Variants in TPP2 observed in about 807,000 individuals in gnomAD.
TPP2 encodes the protein tripeptidyl-peptidase 2.
TPP2 carries 34 observed loss-of-function variants against 155.9 expected under a neutral mutation model. That is an observed-to-expected ratio of 0.22 (90% CI 0.17 to 0.29). TPP2 has a LOEUF of 0.29. Among genes scored for constraint, TPP2 ranks in the 10% least tolerant of loss-of-function variants. The pLI, the probability that TPP2 is intolerant of heterozygous loss-of-function variation, is 1.00. For synonymous variants in TPP2, 510 were observed against 529.4 expected, an observed-to-expected ratio of 0.96 and a Z score of 0.50; for missense variants, 1,028 against 1,522.3, an observed-to-expected ratio of 0.68 and a Z score of 5.40.
intron 23 of TPP2, among the ~76,000 whole-genome samples, chr13:102,650,490 C>T (rs547896306): frequency 2.6e-5 from 4 of 152,132 alleles, no homozygotes; most frequent in African/African-American, 9.7e-5. Flanking sequence ...TTTATACATA[C>T]GTACTTTAGT....
chr13:102,618,726 A>G lies in TPP2; in HGVS notation c.500A>G (p.Asn167Ser). The G allele has an allele frequency of 6.2e-7, 1 of 1,613,486 alleles. No homozygotes were observed. Among genetic ancestry groups the G allele is most frequent in the Non-Finnish European group, 8.5e-7 (1 of 1,179,694 alleles). ...ATCAGTTTTCCAACTGACTAGGCAA[A>G]TAAACTAATCAAGGAGGAACTTCAA... ...DVANNGSSQA[N>S]KLIKEELQSQ... Residue 167 changes from asparagine (N) to serine (S), a missense_variant, in exon 5 of 30, where the codon AAT becomes AGT. Asn to Ser is a conservative substitution (Grantham distance 46). Transcript: ENST00000376052.
At chr13:102,609,872 T>G (rs986935505) in intron 2 of TPP2, among the ~76,000 whole-genome samples, 2 of 152,118 alleles carry the variant, frequency 1.3e-5, no homozygotes, top group Admixed American at 6.5e-5. Context: ...TCACCTGTTC[T>G]TTGCTTTGTT....
rs190801993 is a variant in TPP2 at position 102,658,302 on chromosome 13, C to T, written c.3143+1095C>T. ...AAGTCATCATGATGTGAAAATATTT[C>T]CCAGAGATTGAACCATTGTAATGTC... On this transcript the variant is annotated intron_variant, in intron 25 of 29. Transcript: ENST00000376052. 3.8e-3 allele frequency among the ~76,000 whole-genome samples: 579 copies of T among 152,262 alleles called. 11 individuals are homozygous for T. Among genetic ancestry groups the T allele is most frequent in the Non-Finnish European group, 1.2e-3 (85 of 68,018 alleles).
At chr13:102,635,463 A>C in intron 11 of TPP2, 124 bp from the exon 12 acceptor site, 1 of 618,316 alleles carries the variant, frequency 1.6e-6, no homozygotes, top group Non-Finnish European at 2.8e-6. Context: ...AAAAGATTTT[A>C]AAATGAGTGT....
intron 27 of TPP2, among the ~76,000 whole-genome samples, chr13:102,668,053 G>A (rs1884722722): frequency 6.6e-6 from 1 of 152,192 alleles, no homozygotes; most frequent in African/African-American, 2.4e-5. Context: ...CAAGTAGAGA[G>A]CAGTCCTGCA....
At chr13:102,674,976 G>A (rs896581633) in intron 28 of TPP2, among the ~76,000 whole-genome samples, 2 of 152,110 alleles carry the variant, frequency 1.3e-5, no homozygotes, top group African/African-American at 2.4e-5. Flanking sequence ...TAAAAGCATC[G>A]TTGATGAACT....
intron 1 of TPP2, among the ~76,000 whole-genome samples, chr13:102,603,960 C>G (rs751796292): frequency 1.3e-5 from 2 of 152,110 alleles, no homozygotes; most frequent in Non-Finnish European, 2.9e-5. Flanking sequence ...GATTTGAGCT[C>G]TCTTCTAGAC....
intron 27 of TPP2, among the ~76,000 whole-genome samples, chr13:102,671,609 T>C (rs2139613271): frequency 6.6e-6 from 1 of 152,334 alleles, no homozygotes; most frequent in Middle Eastern, 3.4e-3. Flanking sequence ...AACGGGTTCA[T>C]ACACCTGATT....
chr13:102,602,378 A>AT (rs1435494195), intron 1 of TPP2, among the ~76,000 whole-genome samples: 2 of 151,732 alleles, frequency 1.3e-5, no homozygotes, highest in African/African-American at 4.8e-5. Flanking sequence ...TCCCACAGTG[A>AT]TTTTTTTTAA....
chr13:102,663,815 G>A (rs1566368743), intron 26 of TPP2, 71 bp downstream of exon 26: 5 of 1,159,992 alleles, frequency 4.3e-6, no homozygotes, highest in Non-Finnish European at 5.9e-6. Context: ...GAGGAAAAGT[G>A]CATTATCTTT....
intron 1 of TPP2, among the ~76,000 whole-genome samples, chr13:102,599,020 T>G (rs1212359895): frequency 6.6e-6 from 1 of 152,220 alleles, no homozygotes; most frequent in Non-Finnish European, 1.5e-5. Context: ...TGCCTGATGT[T>G]AAGGTTTGGG....
At chr13:102,655,799 C>T (rs1029189740) in intron 24 of TPP2, among the ~76,000 whole-genome samples, 9 of 151,954 alleles carry the variant, frequency 5.9e-5, no homozygotes, top group African/African-American at 1.9e-4. Flanking sequence ...CTTCCTTCTT[C>T]GTCGTACACT....
rs150615380 is a variant in TPP2, at chr13:102,647,326, C to T, written c.2610C>T (p.Gly870=). ...AGAACAAAAGACAGATGGGTTCAGGCGATGCCTATCCACATCAGGTATAAA... is the reference window on the plus strand; with the variant it reads ...AGAACAAAAGACAGATGGGTTCAGGTGATGCCTATCCACATCAGGTATAAA... ...FDQNKRQMGS[G]DAYPHQYSLK... is the part of the protein sequence containing the mutation. Residue 870 remains glycine (G), a synonymous_variant, in exon 21 of 30, where the codon GGC becomes GGT. Coordinates refer to ENST00000376052, the MANE Select transcript of TPP2 (RefSeq NM_001330588.2). 121 of 1,613,258 alleles carry T rather than the reference C, an allele frequency of 7.5e-5. No individual in the cohort carries two copies. The African/African-American group carries it at 1.5e-3, about 19-fold the overall frequency.
intron 2 of TPP2, among the ~76,000 whole-genome samples, chr13:102,612,025 T>C (rs923196898): frequency 2.5e-4 from 38 of 152,244 alleles, no homozygotes; most frequent in African/African-American, 8.9e-4. Context: ...AGTAGCATTT[T>C]GGAAGGAAGC....
intron 5 of TPP2, 136 bp from the exon 6 acceptor site, chr13:102,622,741 A>C: frequency 9.9e-7 from 1 of 1,010,740 alleles, no homozygotes; most frequent in Non-Finnish European, 1.4e-6. Flanking sequence ...AAACAGGCTA[A>C]ACCAGGCAGT....
chr13:102,677,579 G>A (rs1885358975), intron 29 of TPP2, among the ~76,000 whole-genome samples: 2 of 152,114 alleles, frequency 1.3e-5, no homozygotes, highest in Non-Finnish European at 1.5e-5. Flanking sequence ...AGCACAAACA[G>A]CCACACCTTT....
intron 3 of TPP2, among the ~76,000 whole-genome samples, chr13:102,615,351 T>G (rs1880639591): frequency 6.6e-6 from 1 of 152,154 alleles, no homozygotes; most frequent in Non-Finnish European, 1.5e-5. Context: ...GGTTTCACCA[T>G]GTTGCCCAGG....
chr13:102,615,285 G>A (rs1182496485), intron 3 of TPP2, among the ~76,000 whole-genome samples: 2 of 152,258 alleles, frequency 1.3e-5, no homozygotes, highest in East Asian at 1.9e-4. Flanking sequence ...ATGTAGTTGG[G>A]ACTACAGGCA....
chr13:102,651,799 AT>A (rs1413329513), intron 24 of TPP2, among the ~76,000 whole-genome samples: 1 of 152,132 alleles, frequency 6.6e-6, no homozygotes, highest in African/African-American at 2.4e-5. Context: ...GCACTTTTAA[AT>A]TGGGTGATTT....
Sources: gnomAD v4.1 joint callset for allele counts (sites outside exome capture counted in the v4.1 genomes callset) on GRCh38, gnomAD v4.1.1 for gene constraint, MANE v1.5 for transcripts, NCBI Gene and HGNC (gene_info 2026-07-23, HGNC 2026-07-21) for gene names.